LARGE1: variants seen among roughly 807,000 people sequenced by gnomAD.
The protein encoded by LARGE1 is xylosyl- and glucuronyltransferase LARGE1.
A neutral mutation model predicts 87.6 loss-of-function variants in LARGE1; 43 were observed. The observed-to-expected ratio is 0.49, with a 90% CI of 0.38 to 0.63. LARGE1 has a LOEUF of 0.63. Ranked by LOEUF, LARGE1 falls within the 30% of genes least tolerant of loss-of-function variation. The pLI is 0.00. For synonymous variants in LARGE1, 434 were observed against 394.6 expected (o/e 1.10, Z -1.18); for missense variants, 802 against 1,000.2 (o/e 0.80, Z 2.67).
chr22:33,115,659 T>TA, the LARGE1 span, among the ~76,000 whole-genome samples: 581 of 149,186 alleles, frequency 3.9e-3, 3 homozygotes, highest in African/African-American at 0.013. Context: ...CTACTAAAAA[T>TA]AAAAAAAAAT....
chr22:33,421,699 A>G (rs1362336805), intron 7 of LARGE1, among the ~76,000 whole-genome samples: 1 of 152,226 alleles, frequency 6.6e-6, no homozygotes. Context: ...TACTATAACC[A>G]TCCTCAACTC....
chr22:33,802,931 C>T (rs1425942518), intron 1 of LARGE1, among the ~76,000 whole-genome samples: 4 of 152,078 alleles, frequency 2.6e-5, no homozygotes, highest in Non-Finnish European at 5.9e-5. Flanking sequence ...ATGAATGTAA[C>T]AAGCTGCCTG....
At chr22:33,171,745 A>G (rs973987104) in intron 11 of LARGE1, among the ~76,000 whole-genome samples, 1 of 152,194 alleles carries the variant, frequency 6.6e-6, no homozygotes, top group African/African-American at 2.4e-5. Flanking sequence ...AAATGCCTGG[A>G]TATCCAGGCA....
At chr22:33,916,401 G>A (rs2065788112) in intron 1 of LARGE1, among the ~76,000 whole-genome samples, 1 of 152,192 alleles carries the variant, frequency 6.6e-6, no homozygotes, top group African/African-American at 2.4e-5. Flanking sequence ...ACCTGCCACA[G>A]GGTAGATGGT....
intron 1 of LARGE1, among the ~76,000 whole-genome samples, chr22:33,874,877 C>T (rs1029557646): frequency 6.6e-6 from 1 of 152,188 alleles, no homozygotes; most frequent in African/African-American, 2.4e-5. Context: ...ATTCCAAGTG[C>T]TTTACATGGA....
intron 10 of LARGE1, among the ~76,000 whole-genome samples, chr22:33,324,925 G>T (rs957612984): frequency 7.3e-5 from 4 of 55,012 alleles, no homozygotes; most frequent in Non-Finnish European, 1.3e-4. Flanking sequence ...AAAGTGGGGA[G>T]AGCTTTTGCA....
At chr22:33,915,744 G>C (rs999808576) in intron 1 of LARGE1, among the ~76,000 whole-genome samples, 6 of 152,090 alleles carry the variant, frequency 3.9e-5, no homozygotes, top group Non-Finnish European at 8.8e-5. Flanking sequence ...CAAGAAGCGG[G>C]GGCACAGTCC....
chr22:33,688,579 A>G (rs1379894575), intron 2 of LARGE1, among the ~76,000 whole-genome samples: 3 of 152,002 alleles, frequency 2.0e-5, no homozygotes, highest in Non-Finnish European at 4.4e-5. Flanking sequence ...TTGAACTCCC[A>G]ACCTCAGGTC....
intron 1 of LARGE1, among the ~76,000 whole-genome samples, chr22:33,845,678 C>T (rs577980346): frequency 5.9e-5 from 9 of 152,186 alleles, no homozygotes; most frequent in South Asian, 2.1e-4. Context: ...TTTCACTTAA[C>T]ATTTGTATTA....
chr22:33,843,601 T>G (rs2063345306), intron 1 of LARGE1, among the ~76,000 whole-genome samples: 1 of 151,882 alleles, frequency 6.6e-6, no homozygotes, highest in African/African-American at 2.4e-5. Context: ...CACCATCCTC[T>G]CCAGAGGTCC....
chr22:33,449,860 T>C (rs375706366), intron 6 of LARGE1, among the ~76,000 whole-genome samples: 16 of 152,174 alleles, frequency 1.1e-4, no homozygotes, highest in African/African-American at 3.1e-4. Flanking sequence ...GCGTCCCTCA[T>C]GTTTATAAAC....
intron 2 of LARGE1, among the ~76,000 whole-genome samples, chr22:33,718,384 A>T: frequency 6.6e-6 from 1 of 152,252 alleles, no homozygotes; most frequent in Non-Finnish European, 1.5e-5. Context: ...TAGATTGGAC[A>T]AACTGGAAGG....
At chr22:33,470,634 C>T (rs1227525957) in intron 6 of LARGE1, among the ~76,000 whole-genome samples, 1 of 152,204 alleles carries the variant, frequency 6.6e-6, no homozygotes, top group Non-Finnish European at 1.5e-5. Flanking sequence ...CCCGGAAGGG[C>T]CCCTCATTCC....
intron 2 of LARGE1, among the ~76,000 whole-genome samples, chr22:33,699,624 G>C (rs1192489948): frequency 6.6e-6 from 1 of 152,192 alleles, no homozygotes; most frequent in Non-Finnish European, 1.5e-5. Context: ...AGAAGCTTTT[G>C]CAATATCTGA....
intron 6 of LARGE1, among the ~76,000 whole-genome samples, chr22:33,434,282 C>A (rs2067185582): frequency 6.6e-6 from 1 of 152,076 alleles, no homozygotes; most frequent in Admixed American, 6.6e-5. Context: ...TTACTAAGGC[C>A]CCAGGTGGGT....
chr22:33,369,290 T>C (rs2064716246), intron 9 of LARGE1, among the ~76,000 whole-genome samples: 1 of 152,236 alleles, frequency 6.6e-6, no homozygotes, highest in Admixed American at 6.5e-5. Flanking sequence ...GAATTTTCTT[T>C]GCTCTCAAGA....
At chr22:33,218,292 C>A (rs1464779728) in intron 11 of LARGE1, among the ~76,000 whole-genome samples, 1 of 152,180 alleles carries the variant, frequency 6.6e-6, no homozygotes, top group Non-Finnish European at 1.5e-5. Context: ...CACCATCACT[C>A]ACCTATATAT....
intron 6 of LARGE1, among the ~76,000 whole-genome samples, chr22:33,498,848 T>A (rs1354356023): frequency 6.6e-6 from 1 of 152,058 alleles, no homozygotes; most frequent in South Asian, 2.1e-4. Flanking sequence ...GCGGGGGACC[T>A]GTAGTCCCAG....
chr22:33,288,930 T>A (rs1188031088), intron 12 of LARGE1, among the ~76,000 whole-genome samples: 1 of 151,964 alleles, frequency 6.6e-6, no homozygotes, highest in Non-Finnish European at 1.5e-5. Context: ...AAACCTACTA[T>A]AGTATATTGG....
Sources: gnomAD v4.1 joint callset for allele counts (sites outside exome capture counted in the v4.1 genomes callset) on GRCh38, gnomAD v4.1.1 for gene constraint, MANE v1.5 for transcripts, NCBI Gene and HGNC (gene_info 2026-07-23, HGNC 2026-07-21) for gene names.